Variants in CXorf66 observed in about 807,000 individuals in gnomAD.
The protein encoded by CXorf66 is uncharacterized protein CXorf66.
CXorf66 carries 6 observed loss-of-function variants against 5.0 expected under a neutral mutation model. That is an observed-to-expected ratio of 1.20 (90% CI 0.65 to 2.36). The LOEUF (loss-of-function observed/expected upper bound fraction) is 2.36. CXorf66 is among the 30% of genes most tolerant of loss of function. The pLI, the probability that CXorf66 is intolerant of heterozygous loss-of-function variation, is 0.00. For missense variants in CXorf66, 270 were observed against 254.9 expected (o/e 1.06, Z -0.40); for synonymous variants, 98 against 102.8 (o/e 0.95, Z 0.28).
chrX:139,958,515 C>T (rs1423380271), intron 1 of CXorf66, among the ~76,000 whole-genome samples: 2 of 110,878 alleles, frequency 1.8e-5, no homozygotes, highest in Non-Finnish European at 3.8e-5. Flanking sequence ...TATAAGTGTA[C>T]TTGAGTGTTA....
At position 139,956,477 on chromosome X, in the gene CXorf66, A is replaced by T; in HGVS notation, c.505T>A (p.Cys169Ser). 1 of 1,212,171 alleles carries T rather than the reference A, an allele frequency of 8.2e-7. No individual in the cohort carries two copies. ...GATGACTTGCTTAATTTTTTTGAGC[A>T]TGATGACTTGGATGACCTTTTTGGA... ...SYPKRSSKSS[C>S]SKKLSKSSHL... Residue 169 changes from cysteine to serine, a missense_variant, in exon 3 of 3, where the codon TGC (cysteine) becomes AGC (serine). By Grantham distance (112) the Cys-to-Ser change is moderately radical. Transcript: ENST00000370540.
Position 139,956,461 on chromosome X carries a change from C to T in CXorf66, c.521G>A (p.Ser174Asn). 6 of 1,211,725 alleles carry T rather than the reference C, an allele frequency of 5.0e-6. No homozygotes were observed. The highest frequency in any genetic ancestry group is 6.7e-6 in the Non-Finnish European group (6 of 895,426). Residue 174 changes from serine to asparagine, a missense_variant, in exon 3 of 3, where the codon AGC becomes AAC. Transcript: ENST00000370540. The part of the protein sequence containing the change: ...SSKSSCSKKL[S>N]KSSHLEKAHK... ...TGCCTTTTCCAGGTGAGATGACTTG[C>T]TTAATTTTTTTGAGCATGATGACTT...
chrX:139,956,141 G>A lies in CXorf66; in HGVS notation c.841C>T (p.Pro281Ser), dbSNP rs74556903. 1.9e-4 allele frequency: 227 copies of A among 1,209,999 alleles called. No individual in the cohort carries two copies. The African/African-American group carries it at 3.6e-3, about 19-fold the overall frequency. Residue 281 changes from proline to serine, a missense_variant, in exon 3 of 3, where the codon CCT becomes TCT. Coordinates refer to ENST00000370540, the MANE Select transcript of CXorf66 (RefSeq NM_001013403.3). ...KKHLVAKTYRPLVNDISEAKE... is the reference protein window; with the variant it reads ...KKHLVAKTYRSLVNDISEAKE... ...GCCTCAGAAATATCATTGACCAAAG[G>A]CCTATAAGTTTTGGCAACAAGATGT...
intron 1 of CXorf66, among the ~76,000 whole-genome samples, chrX:139,960,312 G>C (rs2085589046): frequency 9.2e-6 from 1 of 108,186 alleles, no homozygotes; most frequent in African/African-American, 3.4e-5. Context: ...CAATCAAGCA[G>C]AAGAAAGGAT....
Position 139,960,279 on chromosome X carries a change from T to C in CXorf66, c.89-2062A>G, listed in dbSNP as rs778119022. On this transcript the variant is annotated intron_variant, in intron 1 of 2. Transcript: ENST00000370540. The stretch of plus-strand genomic sequence containing the variant: ...CACAGCACGAGAACTTCGTGATGCA[T>C]ATACAAGTATCAATAGACAAATCAA... Among the ~76,000 whole-genome samples the C allele has an allele frequency of 3.2e-3, 349 of 108,719 alleles. 1 individual carries two copies. Among genetic ancestry groups the C allele is most frequent in the African/African-American group, 0.011 (329 of 29,958 alleles). The allele number at this position is 108,719 out of a possible 115,157, so 94.4% of individuals were successfully genotyped here. A position where few individuals can be genotyped will look rare whatever the true frequency, so the allele number is the denominator to read the frequency against.
chrX:139,960,271 G>A (rs920242029), intron 1 of CXorf66, among the ~76,000 whole-genome samples: 3 of 108,673 alleles, frequency 2.8e-5, no homozygotes, highest in African/African-American at 1.0e-4. Flanking sequence ...CGAGAACTTC[G>A]TGATGCATAT....
intron 1 of CXorf66, among the ~76,000 whole-genome samples, chrX:139,962,613 C>A (rs1280528967): frequency 1.8e-5 from 2 of 111,439 alleles, no homozygotes; most frequent in Non-Finnish European, 3.8e-5. Context: ...GGCAGAGACA[C>A]AACAAAAAAA....
intron 2 of CXorf66, 31 bp from the exon 3 acceptor site, chrX:139,956,770 A>G (rs766156925): frequency 8.6e-7 from 1 of 1,167,006 alleles, no homozygotes; most frequent in African/African-American, 1.8e-5. Context: ...GAGTATAATG[A>G]TTTAAAACAA....
chrX:139,963,418 C>A (rs1487582211), intron 1 of CXorf66, among the ~76,000 whole-genome samples: 2 of 111,700 alleles, frequency 1.8e-5, no homozygotes, highest in Non-Finnish European at 1.9e-5. Context: ...AGAGAGGTCA[C>A]AAACAAATGG....
At chrX:139,957,111 G>A (rs984886127) in intron 2 of CXorf66, among the ~76,000 whole-genome samples, 1 of 111,454 alleles carries the variant, frequency 9.0e-6, no homozygotes, top group Non-Finnish European at 1.9e-5. Flanking sequence ...AGGTTGCAGT[G>A]AGCCGAGATC....
intron 1 of CXorf66, among the ~76,000 whole-genome samples, chrX:139,959,024 T>C (rs924014802): frequency 1.8e-4 from 20 of 111,107 alleles, no homozygotes; most frequent in African/African-American, 6.5e-4. Context: ...GCTGTAGCAG[T>C]TTTTTTTCCC....
rs778255161 is a variant in CXorf66 at position 139,965,466 on chromosome X, A to G, written c.31T>C (p.Ser11Pro). 3 of 1,205,527 alleles carry G rather than the reference A, an allele frequency of 2.5e-6. No homozygotes were observed. Among genetic ancestry groups the G allele is most frequent in the East Asian group, 3.0e-5 (1 of 33,690 alleles). The change falls in exon 1 of 3, where the codon TCC (serine) becomes CCC (proline). Residue 11 changes from serine (S) to proline (P), a missense_variant. By Grantham distance (74) the Ser-to-Pro change is moderately conservative. Coordinates refer to ENST00000370540, the MANE Select transcript of CXorf66 (RefSeq NM_001013403.3). Reference sequence around the variant, plus strand: ...GTCATGCAATTATTTTTCCAAATGGACAAAAGTAGGACACAAATAACAAGA... The same window carrying G: ...GTCATGCAATTATTTTTCCAAATGGGCAAAAGTAGGACACAAATAACAAGA... MNLVICVLLL[S>P]IWKNNCMTTN...
intron 1 of CXorf66, 116 bp downstream of exon 1, chrX:139,965,293 T>C: frequency 1.9e-6 from 1 of 524,343 alleles, no homozygotes; most frequent in Non-Finnish European, 3.2e-6. Flanking sequence ...CCTACTAATG[T>C]TAACACTGCT....
chrX:139,957,367 A>G (rs1026402727), intron 2 of CXorf66, among the ~76,000 whole-genome samples: 1 of 111,674 alleles, frequency 9.0e-6, no homozygotes, highest in Non-Finnish European at 1.9e-5. Context: ...ACACACACAC[A>G]CACACACAAA....
At chrX:139,958,701 G>A (rs1421307651) in intron 1 of CXorf66, among the ~76,000 whole-genome samples, 1 of 110,677 alleles carries the variant, frequency 9.0e-6, no homozygotes, top group Non-Finnish European at 1.9e-5. Context: ...TCCAACTGAG[G>A]TACCCAGTTC....
intron 1 of CXorf66, among the ~76,000 whole-genome samples, chrX:139,965,207 A>G (rs1804965769): frequency 8.9e-6 from 1 of 111,919 alleles, no homozygotes; most frequent in African/African-American, 3.2e-5. Context: ...AAGGAGGACC[A>G]TAAGTCTGTC....
intron 1 of CXorf66, among the ~76,000 whole-genome samples, chrX:139,961,347 A>G (rs1360757165): frequency 1.8e-5 from 2 of 112,039 alleles, no homozygotes; most frequent in African/African-American, 3.2e-5. Flanking sequence ...GCATTACATA[A>G]TGGTAAAGGT....
At chrX:139,957,923 G>A in intron 2 of CXorf66, 141 bp downstream of exon 2, 1 of 516,872 alleles carries the variant, frequency 1.9e-6, no homozygotes, top group Non-Finnish European at 3.0e-6. Context: ...TATAATTTAA[G>A]GGAAAATATT....
At chrX:139,958,733 A>G (rs4134360) in intron 1 of CXorf66, among the ~76,000 whole-genome samples, 28,336 of 109,665 alleles carry the variant, frequency 0.26, 5,110 homozygotes, top group African/African-American at 0.63. Context: ...ACTACTTAGG[A>G]GTACCCAGTT....
Sources: gnomAD v4.1 joint callset for allele counts (sites outside exome capture counted in the v4.1 genomes callset) on GRCh38, gnomAD v4.1.1 for gene constraint, MANE v1.5 for transcripts, NCBI Gene and HGNC (gene_info 2026-07-23, HGNC 2026-07-21) for gene names.